DLGAP1: variants seen among roughly 807,000 people sequenced by gnomAD.
The protein encoded by DLGAP1 is disks large-associated protein 1.
DLGAP1 carries 11 observed loss-of-function variants against 90.8 expected under a neutral mutation model. The ratio of observed to expected loss-of-function variants is 0.12; its 90% CI spans 0.08 to 0.20. DLGAP1 has a LOEUF of 0.20. Ranked by LOEUF, DLGAP1 falls within the 10% of genes least tolerant of loss-of-function variation. DLGAP1 has a pLI of 1.00. For missense variants in DLGAP1, 1,050 were observed against 1,333.8 expected, an observed-to-expected ratio of 0.79 and a Z score of 3.31; for synonymous variants, 558 against 540.7, an observed-to-expected ratio of 1.03 and a Z score of -0.44.
intron 7 of DLGAP1, among the ~76,000 whole-genome samples, chr18:3,646,706 C>T (rs557627228): frequency 6.0e-4 from 91 of 151,998 alleles, no homozygotes; most frequent in African/African-American, 2.1e-3. Flanking sequence ...GGGCAGATCA[C>T]GAGGTCAGGA....
intron 1 of DLGAP1, among the ~76,000 whole-genome samples, chr18:4,349,889 A>G (rs1459151591): frequency 6.6e-6 from 1 of 152,184 alleles, no homozygotes; most frequent in Admixed American, 6.5e-5. Flanking sequence ...ACCAAGCTGT[A>G]CACTTAAGAT....
chr18:4,193,490 G>GA (rs896344247), intron 1 of DLGAP1, among the ~76,000 whole-genome samples: 3 of 151,934 alleles, frequency 2.0e-5, no homozygotes, highest in African/African-American at 4.8e-5. Flanking sequence ...AGCTTTGGGG[G>GA]AAAAAAACAG....
intron 3 of DLGAP1, among the ~76,000 whole-genome samples, chr18:3,949,121 C>T (rs1421544612): frequency 6.6e-6 from 1 of 152,160 alleles, no homozygotes; most frequent in African/African-American, 2.4e-5. Flanking sequence ...GACCTTCATA[C>T]ATGATATCAT....
Position 3,506,530 on chromosome 18 carries a change from A to C in DLGAP1, c.2571+2040T>G, listed in dbSNP as rs867368407. 9.6e-3 allele frequency among the ~76,000 whole-genome samples: 1,450 copies of C among 150,806 alleles called. 35 individuals are homozygous for C. Among genetic ancestry groups the C allele is most frequent in the African/African-American group, 0.034 (1,387 of 41,222 alleles). ...CTCCGTCTCAAAAAAAAAAAAAAAA[A>C]AAAAAAAGTGGAACTCCATGTCAAA... On this transcript the variant is annotated intron_variant, in intron 11 of 12. Coordinates refer to ENST00000315677, the MANE Select transcript of DLGAP1 (RefSeq NM_004746.4).
intron 1 of DLGAP1, among the ~76,000 whole-genome samples, chr18:4,155,277 C>T (rs1385856972): frequency 6.6e-6 from 1 of 152,164 alleles, no homozygotes; most frequent in Non-Finnish European, 1.5e-5. Context: ...TTTACTTCTA[C>T]AAATCTGCTG....
At chr18:4,394,697 A>T (rs1274728283) in intron 1 of DLGAP1, among the ~76,000 whole-genome samples, 2 of 152,246 alleles carry the variant, frequency 1.3e-5, no homozygotes, top group African/African-American at 4.8e-5. Flanking sequence ...AGTGTATCAG[A>T]TAATTAATTT....
chr18:4,253,823 T>C (rs1276502424), intron 1 of DLGAP1, among the ~76,000 whole-genome samples: 1 of 152,164 alleles, frequency 6.6e-6, no homozygotes, highest in Admixed American at 6.5e-5. Context: ...CCCTGGTAGA[T>C]TTTGCAAGAG....
At position 3,891,389 on chromosome 18, in the gene DLGAP1, G is replaced by T. The variant is rs78571139; in HGVS notation, c.-72-11249C>A. ...CCTTCTGTCTTTCCACACAGAGGCT[G>T]CTGAGTGTCGCTGGGGATGGGACTG... is the stretch of plus-strand genomic sequence containing the variant. On this transcript the variant is annotated intron_variant, in intron 3 of 12. Transcript: ENST00000315677. Among the ~76,000 whole-genome samples, 32 of 152,246 alleles carry T rather than the reference G, an allele frequency of 2.1e-4. No individual in the cohort carries two copies. The East Asian group carries it at 5.0e-3, about 24-fold the overall frequency.
chr18:4,124,973 CA>C (rs2076210284), intron 2 of DLGAP1, among the ~76,000 whole-genome samples: 1 of 152,174 alleles, frequency 6.6e-6, no homozygotes, highest in Admixed American at 6.5e-5. Context: ...TCGAGCATGG[CA>C]AGCAAGCATG....
rs1567938035 is a variant in DLGAP1 at position 4,454,953 on chromosome 18, C to T, written c.-267+53G>A. ...AGCAGCCAGGAGCCACCCAGCGCGC[C>T]GCGACCGCCGCCGCCGCGCACGCCC... On this transcript the variant is annotated intron_variant, in intron 1 of 12. Transcript: ENST00000315677. This position sits in a 1 kb window ranked among gnomAD's most constrained non-coding sequence, Gnocchi z 4.7. The T allele has an allele frequency of 6.6e-6, 1 of 150,422 alleles. No homozygotes were observed. The highest frequency in any genetic ancestry group is 6.6e-5 in the Admixed American group (1 of 15,060). The allele number at this position is 150,422 out of a possible 1,614,324, so 9.3% of individuals were successfully genotyped here.
intron 10 of DLGAP1, among the ~76,000 whole-genome samples, chr18:3,530,296 C>A (rs1568138799): frequency 6.6e-6 from 1 of 152,006 alleles, no homozygotes; most frequent in Non-Finnish European, 1.5e-5. Flanking sequence ...AGTGACAGCT[C>A]CTCATGAGGC....
chr18:4,146,989 A>G (rs2076595359), intron 2 of DLGAP1, among the ~76,000 whole-genome samples: 1 of 152,224 alleles, frequency 6.6e-6, no homozygotes, highest in South Asian at 2.1e-4. Flanking sequence ...TAGCAAGAAA[A>G]GTAGGAAAAA....
intron 3 of DLGAP1, among the ~76,000 whole-genome samples, chr18:3,935,085 T>C (rs1397629697): frequency 6.6e-6 from 1 of 152,228 alleles, no homozygotes; most frequent in Non-Finnish European, 1.5e-5. Context: ...CATACTGGCC[T>C]GGCATAGGCA....
chr18:3,834,503 T>C (rs1464109399), intron 4 of DLGAP1, among the ~76,000 whole-genome samples: 1 of 152,128 alleles, frequency 6.6e-6, no homozygotes, highest in East Asian at 1.9e-4. Flanking sequence ...CAATCCTGTG[T>C]TCCCGGTGTC....
At chr18:3,845,123 T>C in intron 4 of DLGAP1, 2 of 1,360,784 alleles carry the variant, frequency 1.5e-6, no homozygotes. Flanking sequence ...TCATGAAACA[T>C]GAAATTAACT....
intron 1 of DLGAP1, among the ~76,000 whole-genome samples, chr18:4,330,496 C>T (rs1456150990): frequency 6.6e-6 from 1 of 151,736 alleles, no homozygotes; most frequent in Non-Finnish European, 1.5e-5. Context: ...CTAATATAAG[C>T]AATTAGTGCA....
At chr18:4,166,561 C>G (rs1000625802) in intron 1 of DLGAP1, among the ~76,000 whole-genome samples, 7 of 152,262 alleles carry the variant, frequency 4.6e-5, no homozygotes, top group Admixed American at 4.6e-4. Flanking sequence ...GGTATATACC[C>G]AAGAATCGAA....
chr18:3,586,343 C>A (rs781071681), intron 7 of DLGAP1, among the ~76,000 whole-genome samples: 31 of 152,168 alleles, frequency 2.0e-4, no homozygotes, highest in Non-Finnish European at 3.2e-4. Flanking sequence ...AGGGGCATTA[C>A]TCATTATTAT....
At chr18:3,767,088 A>T (rs929390029) in intron 5 of DLGAP1, among the ~76,000 whole-genome samples, 4 of 152,164 alleles carry the variant, frequency 2.6e-5, no homozygotes, top group African/African-American at 9.7e-5. Flanking sequence ...ATGGAATATC[A>T]CTAGAGATTC....
Sources: gnomAD v4.1 joint callset for allele counts (sites outside exome capture counted in the v4.1 genomes callset) on GRCh38, gnomAD v4.1.1 for gene constraint, Gnocchi (gnomAD v3.1) non-coding constraint, MANE v1.5 for transcripts, NCBI Gene and HGNC (gene_info 2026-07-23, HGNC 2026-07-21) for gene names.